Variants in CCDC174 observed in about 807,000 individuals in gnomAD.
CCDC174 encodes coiled-coil domain containing 174, also known as coiled-coil domain-containing protein 174.
In CCDC174, 37 loss-of-function variants were observed where a neutral mutation model predicts 57.1. The ratio of observed to expected loss-of-function variants is 0.65; its 90% CI spans 0.50 to 0.85. The LOEUF (loss-of-function observed/expected upper bound fraction) is 0.85. CCDC174 is among the 40% of genes least tolerant of loss of function. CCDC174 has a pLI of 0.00. For synonymous variants in CCDC174, 182 were observed against 190.2 expected (o/e 0.96, Z 0.35); for missense variants, 540 against 574.3 (o/e 0.94, Z 0.61).
chr3:14,653,809 A>G (rs1235790343), intron 1 of CCDC174, among the ~76,000 whole-genome samples: 1 of 152,242 alleles, frequency 6.6e-6, no homozygotes, highest in Non-Finnish European at 1.5e-5. Context: ...AGCTGTTGAA[A>G]TAATGTGTCT....
In CCDC174 at chr3:14,671,155, T is replaced by TCC; in HGVS notation, c.1366_1367insCC (p.Leu456ProfsTer5). The stretch of plus-strand genomic sequence containing the variant: ...AAGCCCCCACAGTTACTTTCAAAAC[T>TCC]CTGGATGACATGATTTCCTATTACA... On this transcript the variant is annotated frameshift_variant, in exon 11 of 11. Transcript: ENST00000383794. LOFTEE classifies it high-confidence loss of function. 1 of 1,612,738 alleles carries TCC rather than the reference T, an allele frequency of 6.2e-7. No individual in the cohort carries two copies. Among genetic ancestry groups the TCC allele is most frequent in the Non-Finnish European group, 8.5e-7 (1 of 1,179,098 alleles).
chr3:14,657,659 G>A (rs2031000189), intron 3 of CCDC174, among the ~76,000 whole-genome samples: 1 of 152,184 alleles, frequency 6.6e-6, no homozygotes, highest in African/African-American at 2.4e-5. Context: ...GCCTGTCTCT[G>A]TCTCTATTTT....
intron 6 of CCDC174, 140 bp downstream of exon 6, chr3:14,665,263 A>ATTG: frequency 4.6e-6 from 3 of 658,600 alleles, no homozygotes; most frequent in Non-Finnish European, 8.1e-6. Flanking sequence ...TGATTGATTG[A>ATTG]AGCACTTTTT....
Position 14,670,983 on chromosome 3 carries a change from T to A in CCDC174, c.1193T>A (p.Val398Glu). ...PEFAPPSDYF[V>E]GQKRTGFSSS... ...TTTGCCCCGCCGTCAGATTACTTTG[T>A]GGGTCAGAAGAGAACTGGTTTTTCC... The change falls in exon 11 of 11, where the codon GTG becomes GAG. Residue 398 changes from valine (V) to glutamate (E), a missense_variant. By Grantham distance (121) the Val-to-Glu change is moderately radical (BLOSUM62 -2). Coordinates refer to ENST00000383794, the MANE Select transcript of CCDC174 (RefSeq NM_016474.5). The A allele has an allele frequency of 6.2e-7, 1 of 1,614,172 alleles. No homozygotes were observed. Among genetic ancestry groups the A allele is most frequent in the East Asian group, 2.2e-5 (1 of 44,874 alleles).
rs1575074904 is a variant in CCDC174 at position 14,671,341 on chromosome 3, G to A, written c.*147G>A. The A allele has an allele frequency of 1.3e-6, 1 of 782,470 alleles. No individual in the cohort carries two copies. 48.5% of individuals were successfully genotyped at this position (782,470 alleles called of 1,614,324 possible). A position where few individuals can be genotyped will look rare whatever the true frequency, so the allele number is the denominator to read the frequency against. On this transcript the variant is annotated 3_prime_UTR_variant, in exon 11 of 11. Transcript: ENST00000383794. ...TCGGGTTGGATTTGTCAGCAAGGAG[G>A]AAAGTTATGGAAACTTTGGCCACTT...
intron 3 of CCDC174, 39 bp downstream of exon 3, chr3:14,655,668 G>A (rs982987248): frequency 1.5e-6 from 2 of 1,306,940 alleles, no homozygotes; most frequent in Admixed American, 2.3e-5. Flanking sequence ...TTAGCTTTGA[G>A]GCTACCCAGG....
At position 14,661,554 on chromosome 3, in the gene CCDC174, T is replaced by C. The variant is rs760913784; in HGVS notation, c.332T>C (p.Leu111Pro). 6.2e-7 allele frequency: 1 copy of C among 1,613,446 alleles called. No homozygotes were observed. Among genetic ancestry groups the C allele is most frequent in the East Asian group, 2.2e-5 (1 of 44,870 alleles). The stretch of plus-strand genomic sequence containing the variant: ...GATGAAGAAGTAGAGGATATGTACC[T>C]TGTGGATTTCACACAGAAGATCATA... ...FIDEEVEDMY[L>P]VDFTQKIIDK... The change falls in exon 5 of 11, where the codon CTT becomes CCT. Residue 111 changes from leucine to proline, a missense_variant. Coordinates refer to ENST00000383794, the MANE Select transcript of CCDC174 (RefSeq NM_016474.5).
Position 14,671,300 on chromosome 3 carries a change from C to G in CCDC174, c.*106C>G. On this transcript the variant is annotated 3_prime_UTR_variant, in exon 11 of 11. Coordinates refer to ENST00000383794, the MANE Select transcript of CCDC174 (RefSeq NM_016474.5). ...ATTGTACCTTTGTCCTGTCCTTTCC[C>G]TAGGAGGCACAGACTTCGGGTTGGA... 1.7e-6 allele frequency: 2 copies of G among 1,188,304 alleles called. No homozygotes were observed. Among genetic ancestry groups the G allele is most frequent in the Non-Finnish European group, 2.3e-6 (2 of 852,064 alleles). The allele number at this position is 1,188,304 out of a possible 1,614,324, so 73.6% of individuals were successfully genotyped here.
Position 14,671,949 on chromosome 3 carries a change from C to T in CCDC174, c.*755C>T, listed in dbSNP as rs2031531170. 6.6e-6 allele frequency: 1 copy of T among 152,376 alleles called. No homozygotes were observed. The highest frequency in any genetic ancestry group is 2.4e-5 in the African/African-American group (1 of 41,450). The allele number at this position is 152,376 out of a possible 1,614,324, so 9.4% of individuals were successfully genotyped here. A position where few individuals can be genotyped will look rare whatever the true frequency, so the allele number is the denominator to read the frequency against. The stretch of plus-strand genomic sequence containing the variant: ...CCCACCTCCCTGTCGCCCCCATGCT[C>T]GGCTTCCTCACATTCAGGAGCCTGA... On this transcript the variant is annotated 3_prime_UTR_variant, in exon 11 of 11. Coordinates refer to ENST00000383794, the MANE Select transcript of CCDC174 (RefSeq NM_016474.5).
rs1249506773 is a variant in CCDC174, at chr3:14,670,908, G to C, written c.1118G>C (p.Gly373Ala). 1 of 1,603,298 alleles carries C rather than the reference G, an allele frequency of 6.2e-7. No individual in the cohort carries two copies. Among genetic ancestry groups the C allele is most frequent in the Non-Finnish European group, 8.5e-7 (1 of 1,172,720 alleles). Residue 373 changes from glycine (G) to alanine (A), a missense_variant, in exon 11 of 11, where the codon GGA becomes GCA. Transcript: ENST00000383794. ...TTATTTTTACCAGAATTTTCCTTTG[G>C]ATACTGGTCGAAGAGGCAGTCAGAT... ...EWDRGKEFSFGYWSKRQSDLR... is the reference protein window; with the variant it reads ...EWDRGKEFSFAYWSKRQSDLR...
rs2031116539 is a variant in CCDC174, at chr3:14,661,058, CCT to C, written c.308-471_308-470del. ...ACAAGAACTCAGATGACTTCTTTTACCTGTATTATGACCTTTAAAACACTTAC... is the reference window on the plus strand; with the variant it reads ...ACAAGAACTCAGATGACTTCTTTTACGTATTATGACCTTTAAAACACTTAC... On this transcript the variant is annotated intron_variant, in intron 4 of 10. Coordinates refer to ENST00000383794, the MANE Select transcript of CCDC174 (RefSeq NM_016474.5). Among the ~76,000 whole-genome samples, 8 of 152,158 alleles carry C rather than the reference CCT, an allele frequency of 5.3e-5. No individual in the cohort carries two copies. The South Asian group carries it at 1.7e-3, about 32-fold the overall frequency.
chr3:14,666,058 A>G (rs1265617201), intron 6 of CCDC174, among the ~76,000 whole-genome samples: 6 of 130,696 alleles, frequency 4.6e-5, no homozygotes, highest in Non-Finnish European at 8.6e-5. Flanking sequence ...AAAAAAAAAA[A>G]AAGAAAGAAA....
chr3:14,658,754 T>TTG (rs1296191802), intron 3 of CCDC174, 117 bp from the exon 4 acceptor site: 1 of 1,123,740 alleles, frequency 8.9e-7, no homozygotes, highest in Non-Finnish European at 1.2e-6. Flanking sequence ...CTGGTTGTGG[T>TTG]TGTCTTGACA....
intron 3 of CCDC174, among the ~76,000 whole-genome samples, chr3:14,658,149 T>C (rs2031021145): frequency 6.6e-6 from 1 of 152,250 alleles, no homozygotes; most frequent in Non-Finnish European, 1.5e-5. Context: ...TTCATTCCTT[T>C]CTTTATTGTC....
At chr3:14,668,273 AT>A in intron 9 of CCDC174, 92 bp downstream of exon 9, 2 of 1,269,860 alleles carry the variant, frequency 1.6e-6, no homozygotes, top group South Asian at 1.5e-5. Context: ...AAAATTAGCC[AT>A]TTAGTTTTAT....
chr3:14,659,053 A>G (rs915876660), intron 4 of CCDC174, 124 bp downstream of exon 4: 7 of 915,824 alleles, frequency 7.6e-6, no homozygotes, highest in Admixed American at 3.3e-5. Flanking sequence ...TTTACTTTCC[A>G]TGGCTGCACA....
chr3:14,664,161 A>G (rs1200500532), intron 5 of CCDC174, among the ~76,000 whole-genome samples: 5 of 152,186 alleles, frequency 3.3e-5, no homozygotes, highest in African/African-American at 1.2e-4. Flanking sequence ...ACAACTAACA[A>G]TTGAAATCAG....
At chr3:14,654,156 T>G (rs907127803) in intron 1 of CCDC174, among the ~76,000 whole-genome samples, 20 of 152,222 alleles carry the variant, frequency 1.3e-4, no homozygotes, top group Non-Finnish European at 2.6e-4. Context: ...TTATTTTGCT[T>G]TATCACTTTC....
Position 14,672,577 on chromosome 3 carries a change from T to A in CCDC174, c.*1383T>A, listed in dbSNP as rs182768502. 7.2e-5 allele frequency: 11 copies of A among 152,324 alleles called. No individual in the cohort carries two copies. Among genetic ancestry groups the A allele is most frequent in the Non-Finnish European group, 1.3e-4 (9 of 68,026 alleles). The allele number at this position is 152,324 out of a possible 1,614,324, so 9.4% of individuals were successfully genotyped here. On this transcript the variant is annotated 3_prime_UTR_variant, in exon 11 of 11. Transcript: ENST00000383794. The stretch of plus-strand genomic sequence containing the variant: ...TAAACTCTGAGGATAAAGTTGCCAG[T>A]CCTTTTAATGGTCAGCCTAATCATT...
Sources: allele counts gnomAD v4.1 joint callset (sites outside exome capture counted in the v4.1 genomes callset), GRCh38; gene constraint gnomAD v4.1.1; transcripts MANE v1.5; gene names NCBI Gene and HGNC (gene_info 2026-07-23, HGNC 2026-07-21).